ITPR2: variants seen among roughly 807,000 people sequenced by gnomAD.
ITPR2 encodes inositol 1,4,5-trisphosphate-gated calcium channel ITPR2.
In ITPR2, 207 loss-of-function variants were observed where a neutral mutation model predicts 317.1. That is an observed-to-expected ratio of 0.65 (90% CI 0.58 to 0.73). The LOEUF is 0.73. ITPR2 is among the 30% of genes least tolerant of loss of function. The pLI is 0.00. For missense variants in ITPR2, 2,613 were observed against 3,284.0 expected, an observed-to-expected ratio of 0.80 and a Z score of 4.99; for synonymous variants, 1,156 against 1,149.1, an observed-to-expected ratio of 1.01 and a Z score of -0.12.
intron 1 of ITPR2, among the ~76,000 whole-genome samples, chr12:26,818,960 A>T (rs1950899770): frequency 6.6e-6 from 1 of 152,170 alleles, no homozygotes; most frequent in African/African-American, 2.4e-5. Context: ...TATTGGTATG[A>T]TATACTTAAA....
chr12:26,340,075 A>G, intron 56 of ITPR2, 92 bp downstream of exon 56: 1 of 1,258,874 alleles, frequency 7.9e-7, no homozygotes, highest in Non-Finnish European at 1.1e-6. Flanking sequence ...CTCTGTGGAT[A>G]ATGACCTGGC....
chr12:26,439,144 C>T lies in ITPR2; in HGVS notation c.6626G>A (p.Trp2209Ter), dbSNP rs764516524. The T allele has an allele frequency of 1.2e-6, 2 of 1,604,748 alleles. No homozygotes were observed. The highest frequency in any genetic ancestry group is 1.7e-6 in the Non-Finnish European group (2 of 1,175,638). ...GTACTTACTCCTGATTTTCTTCTGC[C>T]ACTTCATTTCATTGTAGAGATCTTC... is the stretch of plus-strand genomic sequence containing the variant. ...QTEDLYNEMK[W>*]QKKIRNNPAL... The change falls in exon 47 of 57, where the codon TGG becomes TAG. Residue 2209 changes from tryptophan to a stop codon, truncating the protein, a stop_gained. Coordinates refer to ENST00000381340, the MANE Select transcript of ITPR2 (RefSeq NM_002223.4). LOFTEE classifies it high-confidence loss of function.
chr12:26,769,338 GCTGTATTTAC>G (rs1949798963), intron 2 of ITPR2, among the ~76,000 whole-genome samples: 1 of 152,138 alleles, frequency 6.6e-6, no homozygotes. Context: ...TTCTGAAATT[GCTGTATTTAC>G]CTTGAAAACC....
In ITPR2 at chr12:26,589,741, C is replaced by T. The variant is rs561154438; in HGVS notation, c.4380+5724G>A. Among the ~76,000 whole-genome samples, 7 of 144,826 alleles carry T rather than the reference C, an allele frequency of 4.8e-5. 1 individual carries two copies. The highest frequency in any genetic ancestry group is 4.5e-4 in the South Asian group (2 of 4,410). The stretch of plus-strand genomic sequence containing the variant: ...GACAGAGGTTGCAGTGAGCCAAGAT[C>T]GCCCCACTGCACTCCAGCCTGAGTG... On this transcript the variant is annotated intron_variant, in intron 32 of 56. Coordinates refer to ENST00000381340, the MANE Select transcript of ITPR2 (RefSeq NM_002223.4).
intron 21 of ITPR2, among the ~76,000 whole-genome samples, chr12:26,650,930 T>C (rs1033483837): frequency 6.6e-6 from 1 of 152,242 alleles, no homozygotes; most frequent in South Asian, 2.1e-4. Flanking sequence ...TTTATTTTTA[T>C]AAAATGTTCA....
chr12:26,497,708 ATTT>A (rs34121849), intron 37 of ITPR2, among the ~76,000 whole-genome samples: 7,484 of 126,456 alleles, frequency 0.059, 232 homozygotes, highest in Middle Eastern at 0.12. Flanking sequence ...AGTGCCAAGA[ATTT>A]TTTTTTTTTT....
chr12:26,655,381 G>A (rs991149828), intron 20 of ITPR2, among the ~76,000 whole-genome samples: 3 of 152,090 alleles, frequency 2.0e-5, no homozygotes, highest in Non-Finnish European at 4.4e-5. Context: ...TTGGGAGGCC[G>A]GGGCAGGTGG....
At chr12:26,757,511 C>T (rs879671366) in intron 2 of ITPR2, among the ~76,000 whole-genome samples, 1 of 152,116 alleles carries the variant, frequency 6.6e-6, no homozygotes, top group African/African-American at 2.4e-5. Context: ...CCACCACACC[C>T]GGTCTTATTC....
chr12:26,356,645 T>G (rs999174145), intron 55 of ITPR2, among the ~76,000 whole-genome samples: 3 of 152,238 alleles, frequency 2.0e-5, no homozygotes, highest in African/African-American at 2.4e-5. Context: ...TTTGTGCAAT[T>G]TCATGAATAA....
intron 37 of ITPR2, 141 bp from the exon 38 acceptor site, chr12:26,495,401 G>GAT: frequency 1.8e-6 from 1 of 555,072 alleles, no homozygotes; most frequent in Non-Finnish European, 3.2e-6. Context: ...AATATTTTCT[G>GAT]AGGCAAAAAT....
Position 26,629,859 on chromosome 12 carries a change from C to T in ITPR2, c.2935-1697G>A, listed in dbSNP as rs7968750. 9.6e-3 allele frequency among the ~76,000 whole-genome samples: 1,454 copies of T among 152,216 alleles called. 24 individuals carry two copies. Among genetic ancestry groups the T allele is most frequent in the African/African-American group, 0.033 (1,369 of 41,534 alleles). Reference sequence around the variant, plus strand: ...TCAGCTGGTTAATTCACCAGACATGCGTTAAACAAGGCATTGAGGAAGGCA... The same window carrying T: ...TCAGCTGGTTAATTCACCAGACATGTGTTAAACAAGGCATTGAGGAAGGCA... On this transcript the variant is annotated intron_variant, in intron 22 of 56. Transcript: ENST00000381340.
chr12:26,446,694 T>C (rs1431003651), intron 45 of ITPR2, among the ~76,000 whole-genome samples: 7 of 145,980 alleles, frequency 4.8e-5, no homozygotes, highest in Non-Finnish European at 3.0e-5. Flanking sequence ...TGCATTTGTC[T>C]AGTTTTACTG....
chr12:26,534,701 C>G (rs138311949), intron 37 of ITPR2, among the ~76,000 whole-genome samples: 16 of 152,144 alleles, frequency 1.1e-4, no homozygotes, highest in African/African-American at 3.6e-4. Flanking sequence ...TAAGGAATAT[C>G]GAACATTTCA....
At chr12:26,420,708 A>G (rs1003302328) in intron 49 of ITPR2, among the ~76,000 whole-genome samples, 3 of 152,160 alleles carry the variant, frequency 2.0e-5, no homozygotes, top group African/African-American at 7.2e-5. Flanking sequence ...GTATAGCTGT[A>G]GCATAATGAA....
chr12:26,558,526 C>T (rs1944724002), intron 35 of ITPR2, among the ~76,000 whole-genome samples: 2 of 152,326 alleles, frequency 1.3e-5, no homozygotes, highest in African/African-American at 4.8e-5. Flanking sequence ...GGTTTACTTG[C>T]CTGTCTTCAT....
At chr12:26,381,743 C>T (rs905780349) in intron 55 of ITPR2, among the ~76,000 whole-genome samples, 6 of 152,130 alleles carry the variant, frequency 3.9e-5, no homozygotes, top group African/African-American at 9.7e-5. Context: ...AAACGGTTCC[C>T]GAAAACCCAT....
chr12:26,704,395 A>T (rs1025608199), intron 9 of ITPR2, among the ~76,000 whole-genome samples: 2 of 152,214 alleles, frequency 1.3e-5, no homozygotes, highest in African/African-American at 4.8e-5. Flanking sequence ...CACGGAAGTG[A>T]CTGGCTGGCT....
intron 50 of ITPR2, among the ~76,000 whole-genome samples, chr12:26,418,612 C>T (rs1054707530): frequency 2.6e-5 from 4 of 151,578 alleles, no homozygotes; most frequent in South Asian, 4.2e-4. Flanking sequence ...TTTTTAAATC[C>T]CCCTCATTTT....
chr12:26,724,442 C>T (rs1408471804), intron 4 of ITPR2, among the ~76,000 whole-genome samples: 1 of 152,148 alleles, frequency 6.6e-6, no homozygotes, highest in African/African-American at 2.4e-5. Context: ...CAGATAAGAT[C>T]ACTTCTTTAT....
Sources: gnomAD v4.1 joint callset for allele counts (sites outside exome capture counted in the v4.1 genomes callset) on GRCh38, gnomAD v4.1.1 for gene constraint, MANE v1.5 for transcripts, NCBI Gene and HGNC (gene_info 2026-07-23, HGNC 2026-07-21) for gene names.